The following IGF1R variants were observed in gnomAD, a reference collection of about 807,000 sequenced individuals.
IGF1R encodes insulin like growth factor 1 receptor.
IGF1R carries 44 observed loss-of-function variants against 144.6 expected under a neutral mutation model. That is an observed-to-expected ratio of 0.30 (90% CI 0.24 to 0.39). The LOEUF (loss-of-function observed/expected upper bound fraction) is 0.39. Ranked by LOEUF, IGF1R falls within the 10% of genes least tolerant of loss-of-function variation. The pLI, the probability that IGF1R is intolerant of heterozygous loss-of-function variation, is 1.00. For synonymous variants in IGF1R, 795 were observed against 722.8 expected (o/e 1.10, Z -1.60); for missense variants, 1,355 against 1,833.7 (o/e 0.74, Z 4.77).
intron 10 of IGF1R, among the ~76,000 whole-genome samples, chr15:98,918,299 C>G (rs377399174): frequency 2.6e-5 from 4 of 152,194 alleles, no homozygotes; most frequent in African/African-American, 9.7e-5. Context: ...CTTCCCCTCA[C>G]TGCCCCCGAC....
chr15:98,655,588 T>C (rs2052466255), intron 1 of IGF1R, among the ~76,000 whole-genome samples: 1 of 152,142 alleles, frequency 6.6e-6, no homozygotes, highest in South Asian at 2.1e-4. Flanking sequence ...GTAAAATGTC[T>C]TACCATAAGT....
intron 2 of IGF1R, among the ~76,000 whole-genome samples, chr15:98,837,195 A>G (rs776102209): frequency 6.6e-6 from 1 of 152,072 alleles, no homozygotes; most frequent in Non-Finnish European, 1.5e-5. Flanking sequence ...CAGTTTCCCA[A>G]GTAGCTAGTG....
At chr15:98,884,519 C>A (rs886808749) in intron 2 of IGF1R, among the ~76,000 whole-genome samples, 1 of 151,790 alleles carries the variant, frequency 6.6e-6, no homozygotes, top group East Asian at 1.9e-4. Context: ...ACGGTGAAAC[C>A]CTGTCTCTGC....
intron 13 of IGF1R, 38 bp downstream of exon 13, chr15:98,924,722 G>T: frequency 1.3e-6 from 2 of 1,587,478 alleles, no homozygotes; most frequent in South Asian, 2.2e-5. Context: ...TGGTAAAACT[G>T]AAAGCAGGGT....
rs1555459650 is a variant in IGF1R, at chr15:98,909,261, C to CTTTTTTCTT, written c.1462+368_1462+369insCTTTTTTTT. ...TCTTTTCTTTTTTTTCTTTTTTTTTCTTTTTTTTTTTTTTTTTTGAGATGG... is the reference window on the plus strand; with the variant it reads ...TCTTTTCTTTTTTTTCTTTTTTTTTCTTTTTTCTTTTTTTTTTTTTTTTTTTTGAGATGG... On this transcript the variant is annotated intron_variant, in intron 6 of 20. Transcript: ENST00000650285. Among the ~76,000 whole-genome samples, 107 of 91,712 alleles carry CTTTTTTCTT rather than the reference C, an allele frequency of 1.2e-3. 3 individuals carry two copies. The highest frequency in any genetic ancestry group is 5.5e-3 in the South Asian group (15 of 2,722). 60.2% of individuals were successfully genotyped at this position (91,712 alleles called of 152,430 possible).
rs869208651 is a variant in IGF1R, at chr15:98,661,956, C to CTTTTTTTTTTT, written c.94+12297_94+12307dup. Among the ~76,000 whole-genome samples the CTTTTTTTTTTT allele has an allele frequency of 5.8e-4, 61 of 105,714 alleles. 5 individuals are homozygous for CTTTTTTTTTTT. Among genetic ancestry groups the CTTTTTTTTTTT allele is most frequent in the East Asian group, 1.8e-3 (7 of 3,788 alleles). The allele number at this position is 105,714 out of a possible 152,430, so 69.4% of individuals were successfully genotyped here. Reference sequence around the variant, plus strand: ...GAATTGCTGCCAGTTGAATAGGGCCCTTTTTTTTTTTTTTTTTTTTTTTTT... The same window carrying CTTTTTTTTTTT: ...GAATTGCTGCCAGTTGAATAGGGCCCTTTTTTTTTTTTTTTTTTTTTTTTTTTTTTTTTTTT... On this transcript the variant is annotated intron_variant, in intron 1 of 20. Transcript: ENST00000650285.
At chr15:98,864,790 T>C (rs2012339421) in intron 2 of IGF1R, among the ~76,000 whole-genome samples, 1 of 152,260 alleles carries the variant, frequency 6.6e-6, no homozygotes, top group African/African-American at 2.4e-5. Flanking sequence ...TAAAAAAGAT[T>C]TATACTCCTC....
At chr15:98,932,730 G>A (rs561480510) in intron 15 of IGF1R, among the ~76,000 whole-genome samples, 4 of 152,096 alleles carry the variant, frequency 2.6e-5, no homozygotes, top group Non-Finnish European at 5.9e-5. Flanking sequence ...ACAAGCACCC[G>A]CCTCTTCTTC....
intron 20 of IGF1R, among the ~76,000 whole-genome samples, chr15:98,955,163 A>C (rs77574595): frequency 0.013 from 2,026 of 152,214 alleles, 32 homozygotes; most frequent in South Asian, 0.041. Context: ...TGAGGACTTC[A>C]GCAGTTCACA....
intron 2 of IGF1R, among the ~76,000 whole-genome samples, chr15:98,888,554 C>A (rs1230744012): frequency 6.6e-6 from 1 of 151,942 alleles, no homozygotes; most frequent in Non-Finnish European, 1.5e-5. Flanking sequence ...TATATCCCAA[C>A]ATTTTAGGAA....
rs539282568 is a variant in IGF1R at position 98,742,582 on chromosome 15, C to T, written c.640+34475C>T. Among the ~76,000 whole-genome samples, 13 of 152,266 alleles carry T rather than the reference C, an allele frequency of 8.5e-5. No homozygotes were observed. In the East Asian group the frequency reaches 2.5e-3, roughly 29 times the overall value. ...CTAGTGTGGCTTGATCTGAAACAGTCCCAGCCAGAAGGTAAGAACTCCTGT... is the reference window on the plus strand; with the variant it reads ...CTAGTGTGGCTTGATCTGAAACAGTTCCAGCCAGAAGGTAAGAACTCCTGT... On this transcript the variant is annotated intron_variant, in intron 2 of 20. Transcript: ENST00000650285.
chr15:98,781,182 G>C (rs1183940162), intron 2 of IGF1R, among the ~76,000 whole-genome samples: 1 of 152,140 alleles, frequency 6.6e-6, no homozygotes, highest in East Asian at 1.9e-4. Flanking sequence ...TGAGAAACTG[G>C]AATATTATCA....
intron 2 of IGF1R, among the ~76,000 whole-genome samples, chr15:98,887,531 A>C (rs1343870421): frequency 6.6e-6 from 1 of 152,154 alleles, no homozygotes; most frequent in Non-Finnish European, 1.5e-5. Context: ...CTGCAAGTAG[A>C]TGTTGGTCCC....
intron 1 of IGF1R, among the ~76,000 whole-genome samples, chr15:98,695,784 C>G (rs919514917): frequency 6.6e-6 from 1 of 151,908 alleles, no homozygotes; most frequent in Non-Finnish European, 1.5e-5. Context: ...TTCTCTGTTT[C>G]TCTCCTCCAG....
intron 2 of IGF1R, among the ~76,000 whole-genome samples, chr15:98,870,818 A>G (rs1249663462): frequency 2.0e-5 from 3 of 152,242 alleles, no homozygotes; most frequent in Non-Finnish European, 4.4e-5. Flanking sequence ...CAGGTGGGCA[A>G]TGTACTCCTG....
intron 15 of IGF1R, among the ~76,000 whole-genome samples, chr15:98,932,649 CTT>C (rs1410178602): frequency 6.6e-6 from 1 of 152,182 alleles, no homozygotes; most frequent in African/African-American, 2.4e-5. Flanking sequence ...ACAGTGAACT[CTT>C]TACACTTTCT....
At chr15:98,721,413 G>A (rs1011111779) in intron 2 of IGF1R, among the ~76,000 whole-genome samples, 7 of 152,204 alleles carry the variant, frequency 4.6e-5, no homozygotes, top group South Asian at 2.1e-4. Context: ...TGGGAAGCCC[G>A]TGGAGGAGAT....
At chr15:98,745,556 CAGG>C (rs1196139262) in intron 2 of IGF1R, among the ~76,000 whole-genome samples, 1 of 152,198 alleles carries the variant, frequency 6.6e-6, no homozygotes, top group Admixed American at 6.5e-5. Flanking sequence ...CCTGGTAGGG[CAGG>C]AACAGGACAC....
At chr15:98,771,487 G>A (rs1242611117) in intron 2 of IGF1R, among the ~76,000 whole-genome samples, 2 of 152,180 alleles carry the variant, frequency 1.3e-5, no homozygotes, top group African/African-American at 4.8e-5. Flanking sequence ...AGGTAAGAGG[G>A]ACCTGCACAA....
Sources: allele counts gnomAD v4.1 joint callset (sites outside exome capture counted in the v4.1 genomes callset), GRCh38; gene constraint gnomAD v4.1.1; transcripts MANE v1.5; gene names NCBI Gene and HGNC (gene_info 2026-07-23, HGNC 2026-07-21).